SLC37A3: variants seen among roughly 807,000 people sequenced by gnomAD.
SLC37A3 encodes the protein solute carrier family 37 member 3.
A neutral mutation model predicts 67.1 loss-of-function variants in SLC37A3; 51 were observed. The observed-to-expected ratio is 0.76, with a 90% CI of 0.61 to 0.96. The LOEUF is 0.96. Among genes scored for constraint, SLC37A3 ranks in the 40% least tolerant of loss-of-function variants. SLC37A3 has a pLI of 0.00. For missense variants in SLC37A3, 508 were observed against 603.0 expected, an observed-to-expected ratio of 0.84 and a Z score of 1.65; for synonymous variants, 214 against 231.4, an observed-to-expected ratio of 0.92 and a Z score of 0.68.
In SLC37A3 at chr7:140,364,444, C is replaced by T; in HGVS notation, c.339G>A (p.Trp113Ter). ...GIVGDRLNLR[W>*]VLSFGMCSSA... The stretch of plus-strand genomic sequence containing the variant: ...AAGAGCACATGCCAAAAGACAGAAC[C>T]CATCGCAAATTCAACCGATCCCCAA... Residue 113 changes from tryptophan to a stop codon, truncating the protein, a stop_gained, in exon 5 of 15, where the codon TGG becomes TGA. Transcript: ENST00000326232. LOFTEE classifies it high-confidence loss of function. 1 of 1,613,888 alleles carries T rather than the reference C, an allele frequency of 6.2e-7. No homozygotes were observed. The highest frequency in any genetic ancestry group is 8.5e-7 in the Non-Finnish European group (1 of 1,179,980).
chr7:140,343,425 G>A lies in SLC37A3; in HGVS notation c.1313C>T (p.Ala438Val), dbSNP rs903959894. The stretch of plus-strand genomic sequence containing the variant: ...CTGTTCTCTCACCTGGCCCACTGCA[G>A]CTCCAATGCTCCCCGAACCATCCAC... ...GIVDGSGSIGAAVGQYLVSLI... is the reference protein window; with the variant it reads ...GIVDGSGSIGVAVGQYLVSLI... Residue 438 changes from alanine to valine, a missense_variant, in exon 13 of 15, where the codon GCT (alanine) becomes GTT (valine). Transcript: ENST00000326232. 6.8e-6 allele frequency: 11 copies of A among 1,613,720 alleles called. No individual in the cohort carries two copies. Among genetic ancestry groups the A allele is most frequent in the Non-Finnish European group, 9.3e-6 (11 of 1,179,946 alleles).
At chr7:140,344,856 A>G (rs1796491005) in intron 12 of SLC37A3, among the ~76,000 whole-genome samples, 2 of 152,252 alleles carry the variant, frequency 1.3e-5, no homozygotes, top group African/African-American at 4.8e-5. Flanking sequence ...ATGCTGACCA[A>G]TTCCAACACA....
intron 14 of SLC37A3, among the ~76,000 whole-genome samples, 186 bp downstream of exon 14, chr7:140,337,098 C>CAAAAAAAAAAAAA (rs1172096190): frequency 4.3e-5 from 3 of 69,638 alleles, no homozygotes; most frequent in African/African-American, 1.1e-4. Flanking sequence ...GACTCTGCCT[C>CAAAAAAAAAAAAA]AAAAAAAAAA....
intron 5 of SLC37A3, among the ~76,000 whole-genome samples, chr7:140,362,319 G>T (rs1285436058): frequency 7.2e-6 from 1 of 139,218 alleles, no homozygotes; most frequent in Non-Finnish European, 1.6e-5. Flanking sequence ...CCTGGCAACC[G>T]CCCCGTCTGA....
intron 3 of SLC37A3, among the ~76,000 whole-genome samples, chr7:140,374,033 T>C (rs1797925380): frequency 6.6e-6 from 1 of 152,242 alleles, no homozygotes; most frequent in Non-Finnish European, 1.5e-5. Context: ...TTTTTTAAAT[T>C]CTCAGCTTTA....
intron 13 of SLC37A3, among the ~76,000 whole-genome samples, chr7:140,339,562 CCA>C (rs1451615087): frequency 6.7e-6 from 1 of 149,762 alleles, no homozygotes; most frequent in Non-Finnish European, 1.5e-5. Flanking sequence ...CGCCCGGCCC[CCA>C]GTTTTCAATC....
chr7:140,361,122 T>C (rs1024390956), intron 5 of SLC37A3, among the ~76,000 whole-genome samples: 1 of 151,186 alleles, frequency 6.6e-6, no homozygotes, highest in Non-Finnish European at 1.5e-5. Context: ...AGTTAGACTA[T>C]GGAGAGCTGA....
rs530600134 is a variant in SLC37A3, at chr7:140,397,767, T to A, written c.-71+649A>T. On this transcript the variant is annotated intron_variant, in intron 1 of 14. Coordinates refer to ENST00000326232, the MANE Select transcript of SLC37A3 (RefSeq NM_207113.3). The stretch of plus-strand genomic sequence containing the variant: ...TCCCTATAAACTATAAACTTTTCAG[T>A]AAGAGTTACCACGAGATAGCCTACC... 8.5e-5 allele frequency among the ~76,000 whole-genome samples: 13 copies of A among 152,168 alleles called. No individual in the cohort carries two copies. The East Asian group carries it at 2.3e-3, about 27-fold the overall frequency.
At chr7:140,372,679 A>G (rs981801282) in intron 3 of SLC37A3, among the ~76,000 whole-genome samples, 1 of 152,120 alleles carries the variant, frequency 6.6e-6, no homozygotes, top group African/African-American at 2.4e-5. Flanking sequence ...CCTGGCCAAC[A>G]TGGTGAAATC....
At chr7:140,354,092 G>A (rs1035753803) in intron 7 of SLC37A3, among the ~76,000 whole-genome samples, 4 of 152,226 alleles carry the variant, frequency 2.6e-5, no homozygotes, top group African/African-American at 9.6e-5. Flanking sequence ...CAGGTGCACA[G>A]CATTGCTTTC....
chr7:140,344,618 T>C (rs1378792057), intron 12 of SLC37A3, among the ~76,000 whole-genome samples: 1 of 151,852 alleles, frequency 6.6e-6, no homozygotes, highest in Non-Finnish European at 1.5e-5. Context: ...TAGCTGGGCG[T>C]GGTGGTGCAC....
intron 11 of SLC37A3, 146 bp downstream of exon 11, chr7:140,345,723 T>C: frequency 3.0e-6 from 2 of 660,748 alleles, no homozygotes; most frequent in Non-Finnish European, 5.5e-6. Flanking sequence ...TTCCCAGGCA[T>C]TCACAGGACA....
intron 10 of SLC37A3, 62 bp downstream of exon 10, chr7:140,348,564 A>T (rs1017502323): frequency 4.2e-5 from 64 of 1,529,902 alleles, no homozygotes; most frequent in Non-Finnish European, 5.5e-5. Flanking sequence ...AGATTTCACA[A>T]CCCAGTAAAA....
intron 6 of SLC37A3, 23 bp downstream of exon 6, chr7:140,358,617 T>C (rs566892403): frequency 1.2e-6 from 2 of 1,612,720 alleles, no homozygotes; most frequent in African/African-American, 1.3e-5. Flanking sequence ...ACAGAGAAAT[T>C]AGAGAGGAAG....
chr7:140,380,388 T>C lies in SLC37A3; in HGVS notation c.92A>G (p.Tyr31Cys). ...VVVFLLTFFS[Y>C]SLLHASRKTF... The stretch of plus-strand genomic sequence containing the variant: ...TTTTCGTGAAGCATGGAGCAACGAA[T>C]AACTACAAAATAGAGAGAATACAGA... The change falls in exon 3 of 15, where the codon TAT becomes TGT. Residue 31 changes from tyrosine (Y) to cysteine (C), a missense_variant and splice_region_variant. Transcript: ENST00000326232. 1 of 1,607,514 alleles carries C rather than the reference T, an allele frequency of 6.2e-7. No individual in the cohort carries two copies. The highest frequency in any genetic ancestry group is 8.5e-7 in the Non-Finnish European group (1 of 1,174,480).
chr7:140,363,713 TA>T (rs575127857), intron 5 of SLC37A3, among the ~76,000 whole-genome samples: 63 of 27,922 alleles, frequency 2.3e-3, no homozygotes, highest in African/African-American at 6.0e-3. Context: ...AATAAAAAAA[TA>T]AAAAAAAAAG....
At chr7:140,381,586 T>C (rs1175137657) in intron 2 of SLC37A3, among the ~76,000 whole-genome samples, 3 of 151,954 alleles carry the variant, frequency 2.0e-5, no homozygotes, top group Non-Finnish European at 4.4e-5. Flanking sequence ...AAACAAAATC[T>C]ACTCAGCAGA....
intron 7 of SLC37A3, among the ~76,000 whole-genome samples, chr7:140,355,101 T>C (rs912819363): frequency 2.0e-5 from 3 of 152,138 alleles, no homozygotes; most frequent in African/African-American, 2.4e-5. Flanking sequence ...TGGTTATATG[T>C]CTTTAGACTC....
At position 140,352,161 on chromosome 7, in the gene SLC37A3, T is replaced by A; in HGVS notation, c.619-15A>T. 6.3e-7 allele frequency: 1 copy of A among 1,597,480 alleles called. No homozygotes were observed. The highest frequency in any genetic ancestry group is 8.5e-7 in the Non-Finnish European group (1 of 1,177,014). On this transcript the variant is annotated splice_polypyrimidine_tract_variant and intron_variant, in intron 7 of 14. Transcript: ENST00000326232. ...AGAAAGGCATACTGGAGGAGAGGGG[T>A]GAAAGGTGGTCCTTACATATCTGGG...
Sources: gnomAD v4.1 joint callset for allele counts (sites outside exome capture counted in the v4.1 genomes callset) on GRCh38, gnomAD v4.1.1 for gene constraint, MANE v1.5 for transcripts, NCBI Gene and HGNC (gene_info 2026-07-23, HGNC 2026-07-21) for gene names.